The following CYP4X1 variants were observed in gnomAD, a reference collection of about 807,000 sequenced individuals.
The protein encoded by CYP4X1 is cytochrome P450 family 4 subfamily X member 1.
In CYP4X1, 44 loss-of-function variants were observed where a neutral mutation model predicts 57.9. That is an observed-to-expected ratio of 0.76 (90% CI 0.60 to 0.98). The LOEUF is 0.98. Among genes scored for constraint, CYP4X1 ranks in the 50% least tolerant of loss-of-function variants. CYP4X1 has a pLI of 0.00. For synonymous variants in CYP4X1, 227 were observed against 228.6 expected (o/e 0.99, Z 0.06); for missense variants, 532 against 623.9 (o/e 0.85, Z 1.57).
chr1:47,046,499 T>C lies in CYP4X1; in HGVS notation c.1106T>C (p.Met369Thr), dbSNP rs372889638. The C allele has an allele frequency of 5.5e-5, 88 of 1,614,022 alleles. No individual in the cohort carries two copies. Among genetic ancestry groups the C allele is most frequent in the Admixed American group, 2.5e-4 (15 of 59,978 alleles). ...CTGGGTGAGATGTCGTACACCACAA[T>C]GTGCATCAAGGAGACGTGCCGATTG... ...DQLGEMSYTTMCIKETCRLIP... is the reference protein window; with the variant it reads ...DQLGEMSYTTTCIKETCRLIP... Residue 369 changes from methionine to threonine, a missense_variant, in exon 9 of 12, where the codon ATG becomes ACG. By Grantham distance (81) the Met-to-Thr change is moderately conservative (BLOSUM62 -1). Transcript: ENST00000371901.
At chr1:47,040,879 T>C (rs2148512865) in intron 8 of CYP4X1, among the ~76,000 whole-genome samples, 1 of 152,226 alleles carries the variant, frequency 6.6e-6, no homozygotes, top group Non-Finnish European at 1.5e-5. Context: ...TATTGTACAA[T>C]GCATCTCCTA....
chr1:46,963,742 C>G, the CYP4X1 span, among the ~76,000 whole-genome samples: 3 of 152,066 alleles, frequency 2.0e-5, no homozygotes, highest in Non-Finnish European at 2.9e-5. Flanking sequence ...CTCTTCTTGA[C>G]GAGTATCTTT....
Position 47,036,085 on chromosome 1 carries a change from T to G in CYP4X1, c.689T>G (p.Leu230Trp), listed in dbSNP as rs747304716. ...ATCATATTTCACCGCTTGTACAGTT[T>G]GTTGTATCACAGTGACATAATTTTC... ...SKIIFHRLYSLLYHSDIIFKL... is the reference protein window; with the variant it reads ...SKIIFHRLYSWLYHSDIIFKL... Residue 230 changes from leucine to tryptophan, a missense_variant, in exon 6 of 12, where the codon TTG (leucine) becomes TGG (tryptophan). Transcript: ENST00000371901. 6 of 1,613,872 alleles carry G rather than the reference T, an allele frequency of 3.7e-6. No homozygotes were observed. The highest frequency in any genetic ancestry group is 5.1e-6 in the Non-Finnish European group (6 of 1,179,840).
At chr1:47,016,487 GC>G in the CYP4X1 span, among the ~76,000 whole-genome samples, 1 of 151,968 alleles carries the variant, frequency 6.6e-6, no homozygotes, top group Non-Finnish European at 1.5e-5. Flanking sequence ...GACTACAGGG[GC>G]CCACCACCAC....
intron 4 of CYP4X1, among the ~76,000 whole-genome samples, chr1:47,034,209 C>T (rs1371719337): frequency 6.6e-6 from 1 of 152,108 alleles, no homozygotes; most frequent in Non-Finnish European, 1.5e-5. Context: ...TGGAGATTGG[C>T]ATGGACTTGC....
At chr1:47,009,874 G>C in the CYP4X1 span, among the ~76,000 whole-genome samples, 6 of 152,260 alleles carry the variant, frequency 3.9e-5, no homozygotes, top group Middle Eastern at 3.4e-3. Context: ...GAAGGTGAAT[G>C]TCTGAATAGA....
intron 1 of CYP4X1, among the ~76,000 whole-genome samples, chr1:47,025,692 C>T (rs2148504040): frequency 6.6e-6 from 1 of 152,204 alleles, no homozygotes. Flanking sequence ...CAATATTTGT[C>T]ACTATTTTTT....
the CYP4X1 span, among the ~76,000 whole-genome samples, chr1:46,974,438 A>C: frequency 6.6e-6 from 1 of 152,094 alleles, no homozygotes; most frequent in Non-Finnish European, 1.5e-5. Context: ...GATGTCTGTA[A>C]AGCTCATTTG....
chr1:46,987,608 T>G, the CYP4X1 span, among the ~76,000 whole-genome samples: 4 of 152,310 alleles, frequency 2.6e-5, no homozygotes, highest in South Asian at 8.3e-4. Context: ...ATTGCACTTA[T>G]TCTAAAATTG....
the CYP4X1 span, among the ~76,000 whole-genome samples, chr1:46,969,465 T>C: frequency 1.2e-4 from 18 of 152,200 alleles, no homozygotes; most frequent in African/African-American, 4.1e-4. Context: ...GAAGTACTCA[T>C]CCTGGGATAA....
chr1:47,027,826 C>T (rs530865111), intron 1 of CYP4X1, among the ~76,000 whole-genome samples: 1 of 152,276 alleles, frequency 6.6e-6, no homozygotes, highest in African/African-American at 2.4e-5. Flanking sequence ...AATAGCACCT[C>T]TAGTACTCTC....
the CYP4X1 span, among the ~76,000 whole-genome samples, chr1:46,993,197 C>G: frequency 1.5e-4 from 22 of 150,732 alleles, no homozygotes; most frequent in South Asian, 8.4e-4. Flanking sequence ...GTTTTTTGTC[C>G]TTGTGATAGT....
downstream of CYP4X1, among the ~76,000 whole-genome samples, chr1:47,052,790 CAAAT>C (rs1265526560): frequency 1.1e-4 from 10 of 87,292 alleles, no homozygotes; most frequent in South Asian, 5.5e-4. Context: ...AATAAACAAA[CAAAT>C]AAATAAATAA....
chr1:47,033,400 G>A, intron 4 of CYP4X1, 32 bp downstream of exon 4: 2 of 1,612,026 alleles, frequency 1.2e-6, no homozygotes, highest in South Asian at 2.2e-5. Context: ...TCTGTGCATT[G>A]CGAAATGCTC....
the CYP4X1 span, among the ~76,000 whole-genome samples, chr1:46,971,172 C>T: frequency 5.2e-3 from 792 of 152,190 alleles, 11 homozygotes; most frequent in East Asian, 0.054. Context: ...AGTGAGAACA[C>T]GTGGTGTTTG....
the CYP4X1 span, among the ~76,000 whole-genome samples, chr1:47,004,093 T>C: frequency 6.6e-6 from 1 of 152,240 alleles, no homozygotes; most frequent in Non-Finnish European, 1.5e-5. Context: ...AATGTCTTTG[T>C]AACTTTATCC....
intron 1 of CYP4X1, among the ~76,000 whole-genome samples, chr1:47,024,378 A>T (rs1455661100): frequency 6.6e-6 from 1 of 152,208 alleles, no homozygotes; most frequent in African/African-American, 2.4e-5. Flanking sequence ...AATATGCAAA[A>T]TCTATCCCAA....
chr1:47,019,976 C>T (rs1267077217), upstream of CYP4X1, among the ~76,000 whole-genome samples: 1 of 152,190 alleles, frequency 6.6e-6, no homozygotes, highest in Admixed American at 6.5e-5. Context: ...TTAACTATGT[C>T]ATTTTCCACC....
chr1:47,041,387 G>A (rs1042893901), intron 8 of CYP4X1, among the ~76,000 whole-genome samples: 2 of 152,082 alleles, frequency 1.3e-5, no homozygotes, highest in Admixed American at 6.5e-5. Flanking sequence ...CCATATGGCT[G>A]TACTAATTTA....
Sources: gnomAD v4.1 joint callset for allele counts (sites outside exome capture counted in the v4.1 genomes callset) on GRCh38, gnomAD v4.1.1 for gene constraint, MANE v1.5 for transcripts, NCBI Gene and HGNC (gene_info 2026-07-23, HGNC 2026-07-21) for gene names.